Variants in CHST9 observed in about 807,000 individuals in gnomAD.
CHST9 encodes carbohydrate sulfotransferase 9.
In CHST9, 41 loss-of-function variants were observed where a neutral mutation model predicts 44.4. The ratio of observed to expected loss-of-function variants is 0.92; its 90% CI spans 0.72 to 1.20. The LOEUF is 1.20. Among genes scored for constraint, CHST9 ranks in the 50% most tolerant of loss-of-function variants. CHST9 has a pLI of 0.00. For missense variants in CHST9, 504 were observed against 516.5 expected (o/e 0.98, Z 0.23); for synonymous variants, 171 against 178.4 (o/e 0.96, Z 0.33).
intron 5 of CHST9, among the ~76,000 whole-genome samples, chr18:26,928,698 G>T (rs2055821800): frequency 6.6e-6 from 1 of 152,180 alleles, no homozygotes; most frequent in Non-Finnish European, 1.5e-5. Context: ...GGAGCCCTCA[G>T]AACAAATGTA....
chr18:27,024,020 C>A, intron 4 of CHST9, 96 bp downstream of exon 4: 1 of 1,214,298 alleles, frequency 8.2e-7, no homozygotes, highest in East Asian at 2.4e-5. Context: ...AGAACAGGTG[C>A]TTAAAAGCCA....
At position 26,916,176 on chromosome 18, in the gene CHST9, A is replaced by G. The variant is rs1381358174; in HGVS notation, c.*83T>C. 8.9e-7 allele frequency: 1 copy of G among 1,128,140 alleles called. No individual in the cohort carries two copies. Among genetic ancestry groups the G allele is most frequent in the Non-Finnish European group, 1.3e-6 (1 of 788,928 alleles). 69.9% of individuals were successfully genotyped at this position (1,128,140 alleles called of 1,614,324 possible). A position where few individuals can be genotyped will look rare whatever the true frequency, so the allele number is the denominator to read the frequency against. ...AACTGCACTTGGTTAAATTTCTGTC[A>G]TACAGAGAATTATAGAAAAATTACA... is the stretch of plus-strand genomic sequence containing the variant. On this transcript the variant is annotated 3_prime_UTR_variant, in exon 6 of 6. Coordinates refer to ENST00000618847, the MANE Select transcript of CHST9 (RefSeq NM_031422.6).
chr18:27,079,377 A>G (rs982225636), intron 2 of CHST9, among the ~76,000 whole-genome samples: 11 of 152,238 alleles, frequency 7.2e-5, no homozygotes, highest in Admixed American at 2.6e-4. Flanking sequence ...GGATATCATT[A>G]GTTCAATAAT....
In CHST9 at chr18:27,068,991, C is replaced by T. The variant is rs985045212; in HGVS notation, c.122-20488G>A. ...AAAGCTTTTGTTGTATTTTGCCTGCCATTTTATGTGTTTGGATTCGGGGAA... is the reference window on the plus strand; with the variant it reads ...AAAGCTTTTGTTGTATTTTGCCTGCTATTTTATGTGTTTGGATTCGGGGAA... On this transcript the variant is annotated intron_variant, in intron 2 of 5. Transcript: ENST00000618847. 2.0e-5 allele frequency among the ~76,000 whole-genome samples: 3 copies of T among 152,130 alleles called. No homozygotes were observed. In the East Asian group the frequency reaches 5.8e-4, roughly 29 times the overall value.
intron 1 of CHST9, among the ~76,000 whole-genome samples, chr18:27,172,388 G>C (rs1233059948): frequency 6.6e-6 from 1 of 151,942 alleles, no homozygotes; most frequent in Non-Finnish European, 1.5e-5. Context: ...AATTCTTAGT[G>C]GTATGAGTGT....
intron 5 of CHST9, among the ~76,000 whole-genome samples, chr18:26,927,284 G>A (rs1332917944): frequency 6.6e-6 from 1 of 152,116 alleles, no homozygotes; most frequent in Non-Finnish European, 1.5e-5. Context: ...AGGTGAAGGG[G>A]AGGTCTTCCC....
At chr18:27,150,127 CTTCTT>C (rs2058648231) in intron 1 of CHST9, among the ~76,000 whole-genome samples, 1 of 142,628 alleles carries the variant, frequency 7.0e-6, no homozygotes, top group African/African-American at 2.6e-5. Context: ...TTCTCTTTAT[CTTCTT>C]TTTCTCTTTG....
Position 26,913,726 on chromosome 18 carries a change from G to C in CHST9, c.*2533C>G. The C allele has an allele frequency of 6.6e-6, 1 of 152,154 alleles. No homozygotes were observed. The highest frequency in any genetic ancestry group is 1.9e-4 in the East Asian group (1 of 5,198). 9.4% of individuals were successfully genotyped at this position (152,154 alleles called of 1,614,324 possible). On this transcript the variant is annotated 3_prime_UTR_variant, in exon 6 of 6. Transcript: ENST00000618847. Reference sequence around the variant, plus strand: ...GGAATTAAATTCATGAAATTGTGATGGTCCTAAAGAACAGTGGTGTTCCCA... The same window carrying C: ...GGAATTAAATTCATGAAATTGTGATCGTCCTAAAGAACAGTGGTGTTCCCA...
At chr18:27,028,482 T>C (rs756393554) in intron 3 of CHST9, among the ~76,000 whole-genome samples, 1 of 152,056 alleles carries the variant, frequency 6.6e-6, no homozygotes, top group African/African-American at 2.4e-5. Context: ...CATCAGTCGA[T>C]AGGATATAAT....
rs142748309 is a variant in CHST9 at position 27,018,888 on chromosome 18, C to T, written c.202+5228G>A. 5.1e-4 allele frequency among the ~76,000 whole-genome samples: 78 copies of T among 152,208 alleles called. 1 individual carries two copies. The East Asian group carries it at 0.015, about 29-fold the overall frequency. On this transcript the variant is annotated intron_variant, in intron 4 of 5. Transcript: ENST00000618847. Reference sequence around the variant, plus strand: ...ATATGGACACTTATGAGATGGGTACCGGCCCTCTTTACCCTCTAACCTTCG... The same window carrying T: ...ATATGGACACTTATGAGATGGGTACTGGCCCTCTTTACCCTCTAACCTTCG...
At chr18:27,080,938 A>T (rs2057954427) in intron 2 of CHST9, among the ~76,000 whole-genome samples, 1 of 152,012 alleles carries the variant, frequency 6.6e-6, no homozygotes, top group Non-Finnish European at 1.5e-5. Context: ...ATGACCAAGA[A>T]GAAATGGAAT....
intron 1 of CHST9, among the ~76,000 whole-genome samples, chr18:27,163,688 C>G (rs1453564178): frequency 6.6e-6 from 1 of 152,134 alleles, no homozygotes. Flanking sequence ...GTGGGAGTGA[C>G]CCTAATTTCC....
intron 4 of CHST9, among the ~76,000 whole-genome samples, chr18:26,971,694 A>C (rs1235614221): frequency 1.3e-5 from 2 of 152,222 alleles, no homozygotes; most frequent in African/African-American, 4.8e-5. Flanking sequence ...CCGCAGCAGC[A>C]GCACGCATCC....
In CHST9 at chr18:26,916,377, G is replaced by C. The variant is rs552704972; in HGVS notation, c.1214C>G (p.Thr405Ser). 1.2e-6 allele frequency: 2 copies of C among 1,613,770 alleles called. No individual in the cohort carries two copies. Among genetic ancestry groups the C allele is most frequent in the Non-Finnish European group, 1.7e-6 (2 of 1,179,714 alleles). Residue 405 changes from threonine (T) to serine (S), a missense_variant, in exon 6 of 6, where the codon ACC becomes AGC. Transcript: ENST00000618847. ...FKDRHSSDER[T>S]NAQVVRQYLK... is the part of the protein sequence containing the mutation. ...ATACTGTCTCACGACTTGAGCATTG[G>C]TTCTTTCATCGGAAGAGTGCCTATC...
chr18:27,032,310 C>T (rs2057349750), intron 3 of CHST9, among the ~76,000 whole-genome samples: 1 of 152,166 alleles, frequency 6.6e-6, no homozygotes, highest in African/African-American at 2.4e-5. Flanking sequence ...CTGACAGTGT[C>T]TCTGGGCTCA....
chr18:27,126,514 T>G (rs575335079), intron 2 of CHST9, among the ~76,000 whole-genome samples: 4 of 152,204 alleles, frequency 2.6e-5, no homozygotes, highest in African/African-American at 9.6e-5. Flanking sequence ...AGGAACTGTT[T>G]GAGAGGCACC....
At chr18:27,158,812 T>A (rs1165121671) in intron 1 of CHST9, among the ~76,000 whole-genome samples, 1 of 151,810 alleles carries the variant, frequency 6.6e-6, no homozygotes, top group Non-Finnish European at 1.5e-5. Context: ...TGGTGTGAGA[T>A]GGTATCTCAT....
chr18:27,099,395 T>G (rs56377830), intron 2 of CHST9, among the ~76,000 whole-genome samples: 1 of 151,764 alleles, frequency 6.6e-6, no homozygotes, highest in African/African-American at 2.4e-5. Context: ...ACAGAGTAAA[T>G]AGACAATCTA....
At chr18:26,961,244 A>T (rs941371602) in intron 4 of CHST9, among the ~76,000 whole-genome samples, 1 of 152,232 alleles carries the variant, frequency 6.6e-6, no homozygotes, top group South Asian at 2.1e-4. Context: ...TCATATCTGT[A>T]TGTAAGGCTA....
Sources: allele counts gnomAD v4.1 joint callset (sites outside exome capture counted in the v4.1 genomes callset), GRCh38; gene constraint gnomAD v4.1.1; transcripts MANE v1.5; gene names NCBI Gene and HGNC (gene_info 2026-07-23, HGNC 2026-07-21).